The following CYP7B1 variants were observed in gnomAD, a reference collection of about 807,000 sequenced individuals.
The protein encoded by CYP7B1 is cytochrome P450 7B1.
In CYP7B1, 29 loss-of-function variants were observed where a neutral mutation model predicts 42.7. The ratio of observed to expected loss-of-function variants is 0.68; its 90% CI spans 0.51 to 0.93. The LOEUF (loss-of-function observed/expected upper bound fraction) is 0.93. CYP7B1 is among the 40% of genes least tolerant of loss of function. CYP7B1 has a pLI of 0.00. For missense variants in CYP7B1, 655 were observed against 600.5 expected (o/e 1.09, Z -0.95); for synonymous variants, 235 against 218.2 (o/e 1.08, Z -0.68).
At chr8:64,760,714 G>A (rs1474506486) in intron 1 of CYP7B1, among the ~76,000 whole-genome samples, 1 of 152,002 alleles carries the variant, frequency 6.6e-6, no homozygotes, top group East Asian at 1.9e-4. Context: ...TATTGATGAG[G>A]GTGTGAAGAA....
At chr8:64,716,637 G>A (rs1394770286) in intron 1 of CYP7B1, among the ~76,000 whole-genome samples, 2 of 152,152 alleles carry the variant, frequency 1.3e-5, no homozygotes, top group Non-Finnish European at 2.9e-5. Context: ...AACCCGGGAG[G>A]TGGAGGTTGC....
chr8:64,702,712 G>A (rs866964877), intron 1 of CYP7B1, among the ~76,000 whole-genome samples: 10 of 152,056 alleles, frequency 6.6e-5, no homozygotes, highest in African/African-American at 2.4e-5. Flanking sequence ...GTTCATTGGC[G>A]CAGAGAGTAA....
chr8:64,772,486 G>A (rs892164683), intron 1 of CYP7B1, among the ~76,000 whole-genome samples: 1 of 152,152 alleles, frequency 6.6e-6, no homozygotes, highest in South Asian at 2.1e-4. Flanking sequence ...GACTTGAACT[G>A]CCGCACTAAC....
In CYP7B1 at chr8:64,750,920, G is replaced by A. The variant is rs112738999; in HGVS notation, c.122+47546C>T. 1.2e-4 allele frequency among the ~76,000 whole-genome samples: 19 copies of A among 152,208 alleles called. 2 individuals carry two copies. Among genetic ancestry groups the A allele is most frequent in the African/African-American group, 4.6e-4 (19 of 41,540 alleles). ...ACTGATGCTACCTGTCCCGCTGTAC[G>A]CTTCTTGACCTTCCCTTTACATCAT... On this transcript the variant is annotated intron_variant, in intron 1 of 5. Transcript: ENST00000310193.
Position 64,615,229 on chromosome 8 carries a change from T to C in CYP7B1, c.854A>G (p.His285Arg), listed in dbSNP as rs750781606. 1 of 1,612,322 alleles carries C rather than the reference T, an allele frequency of 6.2e-7. No homozygotes were observed. Among genetic ancestry groups the C allele is most frequent in the Non-Finnish European group, 8.5e-7 (1 of 1,179,036 alleles). ...YVHEDLEIGA[H>R]HLGFLWASVA... ...AGAGGCCCAGAGAAAGCCTAAATGA[T>C]GTGCTGGGAGAAAATAAGTGAAAAG... The change falls in exon 4 of 6, where the codon CAT (histidine) becomes CGT (arginine). Residue 285 changes from histidine (H) to arginine (R), a missense_variant. Transcript: ENST00000310193.
chr8:64,756,811 TTA>T (rs1189260667), intron 1 of CYP7B1, among the ~76,000 whole-genome samples: 1 of 152,232 alleles, frequency 6.6e-6, no homozygotes, highest in Admixed American at 6.5e-5. Flanking sequence ...TGTTTAATCT[TTA>T]TGTTTCTGAT....
chr8:64,717,761 C>G (rs1349000513), intron 1 of CYP7B1, among the ~76,000 whole-genome samples: 2 of 151,976 alleles, frequency 1.3e-5, no homozygotes, highest in African/African-American at 4.8e-5. Context: ...GTGGGAAGAT[C>G]ACTTGAGCCC....
At chr8:64,688,364 T>TTTCC in intron 1 of CYP7B1, among the ~76,000 whole-genome samples, 1 of 152,158 alleles carries the variant, frequency 6.6e-6, no homozygotes. Flanking sequence ...TTCTTCCTTC[T>TTTCC]TTCCTTCCTT....
chr8:64,642,047 G>A (rs1805863364), intron 1 of CYP7B1, among the ~76,000 whole-genome samples: 2 of 152,034 alleles, frequency 1.3e-5, no homozygotes, highest in African/African-American at 2.4e-5. Flanking sequence ...TGAACTACAT[G>A]GTTCTTTGCA....
At chr8:64,707,410 T>G (rs1477163872) in intron 1 of CYP7B1, among the ~76,000 whole-genome samples, 2 of 152,018 alleles carry the variant, frequency 1.3e-5, no homozygotes, top group Admixed American at 6.6e-5. Context: ...TCTAGGGGGT[T>G]TTATTTGGCA....
intron 1 of CYP7B1, among the ~76,000 whole-genome samples, chr8:64,792,711 C>T (rs1022468811): frequency 1.3e-5 from 2 of 152,044 alleles, no homozygotes; most frequent in African/African-American, 4.8e-5. Context: ...ATTTTACCCC[C>T]AAGATGGATC....
At chr8:64,669,026 G>C (rs1223731568) in intron 1 of CYP7B1, among the ~76,000 whole-genome samples, 1 of 151,938 alleles carries the variant, frequency 6.6e-6, no homozygotes, top group African/African-American at 2.4e-5. Context: ...CTTAAAAATG[G>C]GTACCATTTT....
intron 1 of CYP7B1, among the ~76,000 whole-genome samples, chr8:64,679,149 T>C (rs967821314): frequency 6.6e-6 from 1 of 152,176 alleles, no homozygotes; most frequent in Non-Finnish European, 1.5e-5. Flanking sequence ...GCATGCTAGC[T>C]TGATAATCAA....
At chr8:64,607,583 A>C (rs1449191724) in intron 4 of CYP7B1, among the ~76,000 whole-genome samples, 5 of 152,316 alleles carry the variant, frequency 3.3e-5, no homozygotes, top group Admixed American at 2.6e-4. Context: ...GCCTGCCACC[A>C]GCTTGTGATA....
intron 1 of CYP7B1, among the ~76,000 whole-genome samples, chr8:64,650,869 C>T (rs1467615768): frequency 6.6e-6 from 1 of 152,108 alleles, no homozygotes; most frequent in African/African-American, 2.4e-5. Context: ...GCAAATACAC[C>T]TTCTTCTAGA....
intron 1 of CYP7B1, among the ~76,000 whole-genome samples, chr8:64,759,985 T>A (rs1807862040): frequency 6.6e-6 from 1 of 152,168 alleles, no homozygotes; most frequent in Non-Finnish European, 1.5e-5. Flanking sequence ...ATTTTTATAA[T>A]TAAAATGTAG....
intron 1 of CYP7B1, among the ~76,000 whole-genome samples, chr8:64,668,959 G>A (rs1182553737): frequency 6.6e-6 from 1 of 152,044 alleles, no homozygotes; most frequent in African/African-American, 2.4e-5. Context: ...AGGTTACAGG[G>A]TCTAAATTTC....
At position 64,711,993 on chromosome 8, in the gene CYP7B1, T is replaced by G. The variant is rs536049191; in HGVS notation, c.122+86473A>C. ...TTCTGCACTATTATTATCCTTCACC[T>G]CACACAGTTCTTTCAAGGATTAAAA... On this transcript the variant is annotated intron_variant, in intron 1 of 5. Transcript: ENST00000310193. 7.2e-5 allele frequency among the ~76,000 whole-genome samples: 11 copies of G among 152,282 alleles called. No homozygotes were observed. In the South Asian group the frequency reaches 2.3e-3, roughly 32 times the overall value.
intron 1 of CYP7B1, among the ~76,000 whole-genome samples, chr8:64,732,617 G>A (rs906724716): frequency 1.3e-5 from 2 of 152,136 alleles, no homozygotes; most frequent in Admixed American, 6.5e-5. Flanking sequence ...ATTGTGTTTT[G>A]AAATGTGAGA....
Sources: gnomAD v4.1 joint callset for allele counts (sites outside exome capture counted in the v4.1 genomes callset) on GRCh38, gnomAD v4.1.1 for gene constraint, MANE v1.5 for transcripts, NCBI Gene and HGNC (gene_info 2026-07-23, HGNC 2026-07-21) for gene names.